The following NYAP2 variants were observed in gnomAD, a reference collection of about 807,000 sequenced individuals.
The protein encoded by NYAP2 is neuronal tyrosine-phosphorylated phosphoinositide-3-kinase adapter 2.
In NYAP2, 23 loss-of-function variants were observed where a neutral mutation model predicts 50.4. The observed-to-expected ratio is 0.46, with a 90% CI of 0.33 to 0.65. The LOEUF (loss-of-function observed/expected upper bound fraction) is 0.65. NYAP2 is among the 30% of genes least tolerant of loss of function. The pLI, the probability that NYAP2 is intolerant of heterozygous loss-of-function variation, is 0.02. For synonymous variants in NYAP2, 394 were observed against 365.2 expected (o/e 1.08, Z -0.90); for missense variants, 885 against 861.0 (o/e 1.03, Z -0.35).
chr2:225,498,239 G>A (rs1055606421), intron 3 of NYAP2, among the ~76,000 whole-genome samples: 1 of 152,022 alleles, frequency 6.6e-6, no homozygotes, highest in Non-Finnish European at 1.5e-5. Context: ...TATAATAGCT[G>A]TAATATAAGG....
intron 3 of NYAP2, among the ~76,000 whole-genome samples, chr2:225,437,475 G>A (rs1326466986): frequency 1.3e-5 from 2 of 152,134 alleles, no homozygotes; most frequent in South Asian, 2.1e-4. Flanking sequence ...GGGGATGTTT[G>A]CATGACCTTC....
chr2:225,597,822 T>C (rs1410072835), intron 5 of NYAP2, among the ~76,000 whole-genome samples: 1 of 151,886 alleles, frequency 6.6e-6, no homozygotes, highest in Non-Finnish European at 1.5e-5. Flanking sequence ...TAAATGTTCA[T>C]TGCTATGCAA....
chr2:225,555,621 G>T (rs1285879822), intron 4 of NYAP2, among the ~76,000 whole-genome samples: 1 of 152,178 alleles, frequency 6.6e-6, no homozygotes, highest in Non-Finnish European at 1.5e-5. Flanking sequence ...TCTGGTCCCT[G>T]TGCCAACCAA....
intron 3 of NYAP2, among the ~76,000 whole-genome samples, chr2:225,462,625 A>G (rs1417294986): frequency 6.6e-6 from 1 of 152,222 alleles, no homozygotes; most frequent in East Asian, 1.9e-4. Flanking sequence ...GCTCCCAGGA[A>G]ATGCAATTCC....
intron 4 of NYAP2, among the ~76,000 whole-genome samples, chr2:225,542,367 T>C (rs1691489571): frequency 6.6e-6 from 1 of 152,104 alleles, no homozygotes; most frequent in Non-Finnish European, 1.5e-5. Context: ...GGAAAAGCTT[T>C]TAGATTGTCC....
chr2:225,690,385 T>G, the NYAP2 span, among the ~76,000 whole-genome samples: 3 of 152,138 alleles, frequency 2.0e-5, no homozygotes, highest in Non-Finnish European at 2.9e-5. Flanking sequence ...CTTCCAGCTC[T>G]ACGTTATATC....
At chr2:225,635,324 G>A (rs773047022) in intron 6 of NYAP2, among the ~76,000 whole-genome samples, 1 of 152,056 alleles carries the variant, frequency 6.6e-6, no homozygotes, top group African/African-American at 2.4e-5. Flanking sequence ...TAATATTTTG[G>A]TGTCAATTGT....
intron 3 of NYAP2, among the ~76,000 whole-genome samples, chr2:225,445,821 A>G (rs1383700992): frequency 6.6e-6 from 1 of 152,144 alleles, no homozygotes; most frequent in African/African-American, 2.4e-5. Flanking sequence ...ATAGAAGTGT[A>G]TAGATATATA....
At chr2:225,480,126 T>C (rs1690180931) in intron 3 of NYAP2, among the ~76,000 whole-genome samples, 1 of 152,064 alleles carries the variant, frequency 6.6e-6, no homozygotes, top group Admixed American at 6.6e-5. Flanking sequence ...TCTGGCAGCC[T>C]GAGACATTTT....
At chr2:225,405,096 A>G (rs765126337) in intron 2 of NYAP2, among the ~76,000 whole-genome samples, 12 of 152,036 alleles carry the variant, frequency 7.9e-5, no homozygotes, top group Non-Finnish European at 1.5e-4. Flanking sequence ...GGAGCAGGGA[A>G]GGGGCTAAAA....
intron 6 of NYAP2, among the ~76,000 whole-genome samples, chr2:225,643,703 T>C (rs1283656881): frequency 6.6e-6 from 1 of 152,022 alleles, no homozygotes; most frequent in Non-Finnish European, 1.5e-5. Context: ...GTTTGGTTTT[T>C]TGTTCTTGCG....
At chr2:225,529,782 A>C (rs550127928) in intron 4 of NYAP2, among the ~76,000 whole-genome samples, 2 of 152,292 alleles carry the variant, frequency 1.3e-5, no homozygotes, top group Non-Finnish European at 2.9e-5. Context: ...ATCTTGGCTC[A>C]CTGCAACCTC....
intron 5 of NYAP2, 129 bp downstream of exon 5, chr2:225,583,164 C>A: frequency 8.9e-7 from 1 of 1,124,606 alleles, no homozygotes; most frequent in Non-Finnish European, 1.2e-6. Context: ...TCTTAGCATG[C>A]AAACAAAATG....
chr2:225,554,135 ATT>A (rs1286544744), intron 4 of NYAP2, among the ~76,000 whole-genome samples: 1 of 151,926 alleles, frequency 6.6e-6, no homozygotes, highest in Non-Finnish European at 1.5e-5. Flanking sequence ...CAGTATTTTC[ATT>A]TTTCAGTGGC....
intron 4 of NYAP2, among the ~76,000 whole-genome samples, chr2:225,545,362 T>G (rs887401820): frequency 6.6e-6 from 1 of 152,134 alleles, no homozygotes; most frequent in Non-Finnish European, 1.5e-5. Context: ...TTTATAGGCA[T>G]GCTTCATTGT....
rs540576115 is a variant in NYAP2 at position 225,513,503 on chromosome 2, A to G, written c.354A>G (p.Ser118=). 1.5e-5 allele frequency: 25 copies of G among 1,613,926 alleles called. No individual in the cohort carries two copies. In the South Asian group the frequency reaches 2.3e-4, roughly 15 times the overall value. Reference sequence around the variant, plus strand: ...GCTCCAGTGGCTTTTCTGTGAGATCACAGTCCCTGCACTCGGTTGGGGGCA... The same window carrying G: ...GCTCCAGTGGCTTTTCTGTGAGATCGCAGTCCCTGCACTCGGTTGGGGGCA... The change falls in exon 4 of 7, where the codon TCA becomes TCG. Residue 118 remains serine, a synonymous_variant. Transcript: ENST00000636099.
chr2:225,635,441 C>A (rs1469348415), intron 6 of NYAP2, among the ~76,000 whole-genome samples: 1 of 152,056 alleles, frequency 6.6e-6, no homozygotes, highest in African/African-American at 2.4e-5. Flanking sequence ...TTAAAAAATG[C>A]ATGGAATGCT....
At chr2:225,459,447 G>C (rs954139568) in intron 3 of NYAP2, among the ~76,000 whole-genome samples, 1 of 152,060 alleles carries the variant, frequency 6.6e-6, no homozygotes, top group African/African-American at 2.4e-5. Flanking sequence ...TTAACGGATT[G>C]AAAATAAATA....
At chr2:225,568,884 C>G (rs1321991810) in intron 4 of NYAP2, among the ~76,000 whole-genome samples, 3 of 152,064 alleles carry the variant, frequency 2.0e-5, no homozygotes, top group African/African-American at 7.2e-5. Context: ...GGAAAGCTTT[C>G]CCCCTTATAC....
Sources: gnomAD v4.1 joint callset for allele counts (sites outside exome capture counted in the v4.1 genomes callset) on GRCh38, gnomAD v4.1.1 for gene constraint, MANE v1.5 for transcripts, NCBI Gene and HGNC (gene_info 2026-07-23, HGNC 2026-07-21) for gene names.